Variants in SREBF2 observed in about 807,000 individuals in gnomAD.
The protein encoded by SREBF2 is sterol regulatory element binding transcription factor 2.
Under a neutral mutation model 113.1 loss-of-function variants are expected in SREBF2, and 55 were observed. That is an observed-to-expected ratio of 0.49 (90% CI 0.39 to 0.61). The LOEUF is 0.61. SREBF2 is among the 20% of genes least tolerant of loss of function. The pLI, the probability that SREBF2 is intolerant of heterozygous loss-of-function variation, is 0.00. For synonymous variants in SREBF2, 593 were observed against 605.7 expected, an observed-to-expected ratio of 0.98 and a Z score of 0.31; for missense variants, 1,349 against 1,487.4, an observed-to-expected ratio of 0.91 and a Z score of 1.53.
At chr22:41,837,851 T>A (rs2076793001) in intron 1 of SREBF2, among the ~76,000 whole-genome samples, 1 of 131,966 alleles carries the variant, frequency 7.6e-6, no homozygotes, top group Non-Finnish European at 1.7e-5. Context: ...AGAGCAAGAC[T>A]CTGTCTCAAA....
intron 11 of SREBF2, among the ~76,000 whole-genome samples, chr22:41,892,885 T>A (rs971752867): frequency 6.6e-5 from 10 of 152,132 alleles, no homozygotes; most frequent in African/African-American, 1.9e-4. Context: ...CTCCCTGCCC[T>A]CCTGCTGGGA....
rs201572828 is a variant in SREBF2, at chr22:41,875,672, C to T, written c.1334C>T (p.Ser445Phe). Reference sequence around the variant, plus strand: ...GACTCAGGGTCCCAGGCTGGCTTCTCTCCCTACTCCATTGACTCTGAGCCA... The same window carrying T: ...GACTCAGGGTCCCAGGCTGGCTTCTTTCCCTACTCCATTGACTCTGAGCCA... ...ASDSGSQAGF[S>F]PYSIDSEPGS... The change falls in exon 7 of 19, where the codon TCT (serine) becomes TTT (phenylalanine). Residue 445 changes from serine (S) to phenylalanine (F), a missense_variant. Physicochemically the swap from Ser to Phe is radical, Grantham distance 155. Transcript: ENST00000361204. 22 of 1,614,194 alleles carry T rather than the reference C, an allele frequency of 1.4e-5. No homozygotes were observed. Among genetic ancestry groups the T allele is most frequent in the Non-Finnish European group, 1.9e-5 (22 of 1,180,030 alleles).
chr22:41,867,939 T>TA (rs2077101593), intron 2 of SREBF2, among the ~76,000 whole-genome samples: 1 of 152,252 alleles, frequency 6.6e-6, no homozygotes, highest in Admixed American at 6.5e-5. Context: ...TGAGAACTAT[T>TA]CATTCAGCAA....
rs2077111068 is a variant in SREBF2 at position 41,868,737 on chromosome 22, C to T, written c.665C>T (p.Thr222Ile). 6.2e-7 allele frequency: 1 copy of T among 1,614,154 alleles called. No homozygotes were observed. ...CAAACGGCCAATGGCACGCTGCAGA[C>T]CCTTGCCCCGGCTACGGTGCAGACA... ...LTQTANGTLQ[T>I]LAPATVQTVA... The change falls in exon 3 of 19, where the codon ACC becomes ATC. Residue 222 changes from threonine (T) to isoleucine (I), a missense_variant. Transcript: ENST00000361204.
chr22:41,860,096 C>T (rs925652762), intron 1 of SREBF2, among the ~76,000 whole-genome samples: 4 of 151,892 alleles, frequency 2.6e-5, no homozygotes, highest in African/African-American at 7.3e-5. Flanking sequence ...TGAGCCACCG[C>T]GCCAGGCCGA....
chr22:41,874,177 A>T (rs1416451645), intron 5 of SREBF2, among the ~76,000 whole-genome samples, 158 bp downstream of exon 5: 1 of 152,192 alleles, frequency 6.6e-6, no homozygotes, highest in African/African-American at 2.4e-5. Flanking sequence ...TGTCAAGATT[A>T]TAAAATATTA....
intron 1 of SREBF2, among the ~76,000 whole-genome samples, chr22:41,846,418 G>A (rs1351839906): frequency 5.3e-5 from 8 of 152,174 alleles, no homozygotes; most frequent in Admixed American, 5.2e-4. Flanking sequence ...GAGCTGACTG[G>A]CAGGAAACCT....
chr22:41,866,998 C>G lies in SREBF2; in HGVS notation c.256C>G (p.Pro86Ala). 6.2e-7 allele frequency: 1 copy of G among 1,613,966 alleles called. No individual in the cohort carries two copies. ...GGGCAGCAGCAGCGGAGCTGTGGAC[C>G]CTTCAGTGCAACGGTCATTCACCCA... ...GRGSSSGAVDPSVQRSFTQVT... is the reference protein window; with the variant it reads ...GRGSSSGAVDASVQRSFTQVT... The change falls in exon 2 of 19, where the codon CCT becomes GCT. Residue 86 changes from proline to alanine, a missense_variant. By Grantham distance (27) the Pro-to-Ala change is conservative. Transcript: ENST00000361204.
chr22:41,856,266 A>G (rs1050507543), intron 1 of SREBF2, among the ~76,000 whole-genome samples: 3 of 152,080 alleles, frequency 2.0e-5, no homozygotes, highest in Non-Finnish European at 2.9e-5. Flanking sequence ...AGCTGGGCCT[A>G]CAGGTGCGTG....
chr22:41,861,698 G>T (rs914849522), intron 1 of SREBF2, among the ~76,000 whole-genome samples: 1 of 152,068 alleles, frequency 6.6e-6, no homozygotes, highest in African/African-American at 2.4e-5. Context: ...CGAGGTAGGC[G>T]GATCATCTGA....
chr22:41,870,151 G>A (rs1296180869), intron 3 of SREBF2, among the ~76,000 whole-genome samples: 2 of 152,102 alleles, frequency 1.3e-5, no homozygotes, highest in East Asian at 1.9e-4. Flanking sequence ...ACCACATCTG[G>A]CCTATATTTT....
rs750724725 is a variant in SREBF2, at chr22:41,898,652, C to G, written c.2609C>G (p.Pro870Arg). The G allele has an allele frequency of 3.5e-5, 56 of 1,613,862 alleles. No homozygotes were observed. The highest frequency in any genetic ancestry group is 4.6e-5 in the Non-Finnish European group (54 of 1,179,982). Residue 870 changes from proline to arginine, a missense_variant, in exon 15 of 19, where the codon CCA becomes CGA. Coordinates refer to ENST00000361204, the MANE Select transcript of SREBF2 (RefSeq NM_004599.4). ...RSSVLKSALG[P>R]DIICRWWTSA... ...GTTTGGTGCTGTTCTCCTCTAGGTCCAGACATCATCTGTCGGTGGTGGACG... is the reference window on the plus strand; with the variant it reads ...GTTTGGTGCTGTTCTCCTCTAGGTCGAGACATCATCTGTCGGTGGTGGACG...
At chr22:41,868,567 A>T in intron 2 of SREBF2, 44 bp from the exon 3 acceptor site, 1 of 1,601,352 alleles carries the variant, frequency 6.2e-7, no homozygotes, top group Non-Finnish European at 8.6e-7. Flanking sequence ...CAGTGACAGA[A>T]TGCATTCCTC....
chr22:41,899,152 A>C, intron 15 of SREBF2: 4 of 1,046,672 alleles, frequency 3.8e-6, no homozygotes, highest in Non-Finnish European at 4.9e-6. Flanking sequence ...CAATCAGTGC[A>C]GAGAGGCCAC....
intron 13 of SREBF2, among the ~76,000 whole-genome samples, chr22:41,895,206 C>G (rs1030840009): frequency 6.7e-6 from 1 of 149,268 alleles, no homozygotes; most frequent in African/African-American, 2.5e-5. Flanking sequence ...GTGGCGCAAT[C>G]TTGGCACACT....
intron 16 of SREBF2, 77 bp from the exon 17 acceptor site, chr22:41,902,893 G>T: frequency 6.8e-7 from 1 of 1,477,046 alleles, no homozygotes; most frequent in Non-Finnish European, 9.3e-7. Context: ...CTGGGGAGAG[G>T]CCTGGTAGGT....
chr22:41,849,295 G>A (rs990363815), intron 1 of SREBF2, among the ~76,000 whole-genome samples: 2 of 152,092 alleles, frequency 1.3e-5, no homozygotes, highest in African/African-American at 2.4e-5. Flanking sequence ...AGATTCAAGC[G>A]ATTCTCCTGC....
intron 3 of SREBF2, among the ~76,000 whole-genome samples, chr22:41,869,157 T>C (rs1602306156): frequency 6.6e-6 from 1 of 152,152 alleles, no homozygotes; most frequent in African/African-American, 2.4e-5. Context: ...CAAGCTGGAG[T>C]GGAGTGGTGT....
intron 13 of SREBF2, among the ~76,000 whole-genome samples, chr22:41,896,824 A>C (rs2077420621): frequency 6.6e-6 from 1 of 152,184 alleles, no homozygotes. Flanking sequence ...TGCTAGGGAA[A>C]GGCCCCCAGT....
Sources: allele counts gnomAD v4.1 joint callset (sites outside exome capture counted in the v4.1 genomes callset), GRCh38; gene constraint gnomAD v4.1.1; transcripts MANE v1.5; gene names NCBI Gene and HGNC (gene_info 2026-07-23, HGNC 2026-07-21).